EIF4E2: variants seen among roughly 807,000 people sequenced by gnomAD.
EIF4E2 encodes eukaryotic translation initiation factor 4E type 2.
Under a neutral mutation model 34.2 loss-of-function variants are expected in EIF4E2, and 13 were observed. The ratio of observed to expected loss-of-function variants is 0.38; its 90% confidence interval spans 0.25 to 0.60. The LOEUF is 0.60. Ranked by LOEUF, EIF4E2 falls within the 20% of genes least tolerant of loss-of-function variation. EIF4E2 has a pLI of 0.62. For synonymous variants in EIF4E2, 100 were observed against 106.6 expected (o/e 0.94, Z 0.38); for missense variants, 222 against 315.1 (o/e 0.70, Z 2.24).
intron 3 of EIF4E2, among the ~76,000 whole-genome samples, chr2:232,560,126 G>A (rs545557699): frequency 6.6e-6 from 1 of 152,250 alleles, no homozygotes; most frequent in South Asian, 2.1e-4. Context: ...CGCCTAGAGG[G>A]GACATAGAAG....
At chr2:232,567,596 T>TTAGCACCCCA in intron 6 of EIF4E2, 1 of 1,165,112 alleles carries the variant, frequency 8.6e-7, no homozygotes, top group Non-Finnish European at 1.1e-6. Context: ...CTTCTGCATG[T>TTAGCACCCCA]CTTTTTAACT....
chr2:232,581,378 T>C lies in EIF4E2; in HGVS notation c.*435T>C, dbSNP rs183184157. 3 of 338,128 alleles carry C rather than the reference T, an allele frequency of 8.9e-6. No individual in the cohort carries two copies. Among genetic ancestry groups the C allele is most frequent in the Non-Finnish European group, 1.2e-5 (2 of 173,396 alleles). 20.9% of individuals were successfully genotyped at this position (338,128 alleles called of 1,614,324 possible). ...AGTGTTCTGTTGGAGAGTCCCAAAA[T>C]AGCTGTAAATGCTCTCTTCTAGCTC... On this transcript the variant is annotated 3_prime_UTR_variant, in exon 7 of 7. Transcript: ENST00000409098. This position sits in a 1 kb window ranked among gnomAD's most constrained non-coding sequence, Gnocchi z 5.2.
In EIF4E2 at chr2:232,581,229, A is replaced by T; in HGVS notation, c.*286A>T. 1.9e-6 allele frequency: 1 copy of T among 526,742 alleles called. No individual in the cohort carries two copies. The highest frequency in any genetic ancestry group is 3.6e-6 in the Non-Finnish European group (1 of 281,192). The allele number at this position is 526,742 out of a possible 1,614,324, so 32.6% of individuals were successfully genotyped here. On this transcript the variant is annotated 3_prime_UTR_variant, in exon 7 of 7. Coordinates refer to the EIF4E2 transcript ENST00000409098. This position sits in a 1 kb window ranked among gnomAD's most constrained non-coding sequence, Gnocchi z 5.2. The stretch of plus-strand genomic sequence containing the variant: ...CCTTTCTGTTTGCTGTGTGCTGTCC[A>T]GATGCCTCTTGGGCGTCCTGTTGTT...
At chr2:232,562,820 C>T (rs775582308) in intron 3 of EIF4E2, among the ~76,000 whole-genome samples, 12 of 152,090 alleles carry the variant, frequency 7.9e-5, no homozygotes, top group Admixed American at 1.3e-4. Flanking sequence ...ACATTATTGC[C>T]GATTGTATTC....
intron 2 of EIF4E2, 84 bp downstream of exon 2, chr2:232,556,614 A>G (rs1393976994): frequency 1.0e-6 from 1 of 989,768 alleles, no homozygotes; most frequent in Non-Finnish European, 1.6e-6. Context: ...GGAAGATACC[A>G]GATTAACTTG....
intron 6 of EIF4E2, chr2:232,567,456 C>G (rs1332164802): frequency 7.6e-7 from 1 of 1,308,014 alleles, no homozygotes; most frequent in East Asian, 3.0e-5. Flanking sequence ...GTTGTACTAC[C>G]TGGGCTTGCT....
intron 6 of EIF4E2, among the ~76,000 whole-genome samples, chr2:232,580,390 A>G (rs1693324506): frequency 6.6e-6 from 1 of 152,152 alleles, no homozygotes; most frequent in African/African-American, 2.4e-5. Flanking sequence ...CCATCTGCCC[A>G]GTTTCTAGTG....
At chr2:232,573,105 T>A (rs1433274286), downstream of EIF4E2, among the ~76,000 whole-genome samples, 1 of 152,216 alleles carries the variant, frequency 6.6e-6, no homozygotes, top group Non-Finnish European at 1.5e-5. Flanking sequence ...AACAGGTGTC[T>A]TGCTGTGGAC....
At chr2:232,574,193 T>C (rs746321164), downstream of EIF4E2, 2 of 1,455,266 alleles carry the variant, frequency 1.4e-6, no homozygotes, top group Non-Finnish European at 1.9e-6. Context: ...GGGGTTATTG[T>C]GTCTGCTCTC....
At chr2:232,561,840 C>T (rs761009556) in intron 3 of EIF4E2, among the ~76,000 whole-genome samples, 5 of 151,440 alleles carry the variant, frequency 3.3e-5, no homozygotes, top group Admixed American at 2.0e-4. Flanking sequence ...GAGGTCCTTT[C>T]GGCACCTCAT....
Position 232,569,080 on chromosome 2 carries a change from T to G in EIF4E2, c.*63T>G. The G allele has an allele frequency of 1.9e-6, 3 of 1,592,882 alleles. No individual in the cohort carries two copies. The highest frequency in any genetic ancestry group is 2.6e-6 in the Non-Finnish European group (3 of 1,168,600). ...GCGTCATCGGAGTCTCTTGTTCTGT[T>G]GGCGTGCTACCTGGAAGATCCTTCT... On this transcript the variant is annotated 3_prime_UTR_variant, in exon 7 of 7. Transcript: ENST00000258416.
chr2:232,550,707 G>A lies in EIF4E2; in HGVS notation c.-18G>A. 1 of 1,584,132 alleles carries A rather than the reference G, an allele frequency of 6.3e-7. No homozygotes were observed. Among genetic ancestry groups the A allele is most frequent in the Non-Finnish European group, 8.6e-7 (1 of 1,167,000 alleles). On this transcript the variant is annotated 5_prime_UTR_variant, in exon 1 of 7. Coordinates refer to ENST00000258416, the MANE Select transcript of EIF4E2 (RefSeq NM_004846.4). ...GGAAGTCACTCCCTGAGGCAGTGGC[G>A]ACAGCGGCGGCGAGAGGATGAACAA... is the stretch of plus-strand genomic sequence containing the variant.
Position 232,556,500 on chromosome 2 carries a change from A to G in EIF4E2, c.105A>G (p.Arg35=), listed in dbSNP as rs778707309. 1 of 1,613,366 alleles carries G rather than the reference A, an allele frequency of 6.2e-7. No individual in the cohort carries two copies. The highest frequency in any genetic ancestry group is 2.2e-5 in the East Asian group (1 of 44,882). The change falls in exon 2 of 7, where the codon CGA becomes CGG. Residue 35 remains arginine (R), a synonymous_variant. Coordinates refer to ENST00000258416, the MANE Select transcript of EIF4E2 (RefSeq NM_004846.4). ...ATGGTGAGAAGGAAAAAACGGAACG[A>G]GACAAGAATCAGAGCAGTAGCAAGA... ...QKDGEKEKTE[R]DKNQSSSKRK...
exon 7 of EIF4E2, chr2:232,580,942 G>C: frequency 6.5e-7 from 1 of 1,550,318 alleles, no homozygotes; most frequent in South Asian, 1.2e-5. Context: ...ATCACATTGT[G>C]AGAGTACACA....
chr2:232,578,137 T>TGTTA, intron 6 of EIF4E2, among the ~76,000 whole-genome samples: 1 of 152,340 alleles, frequency 6.6e-6, no homozygotes, highest in Middle Eastern at 3.4e-3. Flanking sequence ...CACCAGCCTG[T>TGTTA]GTTAGTCTGT....
At chr2:232,561,300 C>A (rs1183838690) in intron 3 of EIF4E2, among the ~76,000 whole-genome samples, 1 of 149,664 alleles carries the variant, frequency 6.7e-6, no homozygotes, top group Non-Finnish European at 1.5e-5. Flanking sequence ...ATTATGCATA[C>A]TTCTTGCATT....
chr2:232,565,772 C>G (rs2106247200), intron 4 of EIF4E2, among the ~76,000 whole-genome samples: 1 of 152,242 alleles, frequency 6.6e-6, no homozygotes, highest in East Asian at 1.9e-4. Flanking sequence ...CCTTGGCTGT[C>G]TCTTCTACTG....
At chr2:232,576,269 C>G (rs966234434) in intron 6 of EIF4E2, among the ~76,000 whole-genome samples, 1 of 151,802 alleles carries the variant, frequency 6.6e-6, no homozygotes, top group Non-Finnish European at 1.5e-5. Flanking sequence ...GTTTAATGGG[C>G]AGTGTTTACT....
downstream of EIF4E2, among the ~76,000 whole-genome samples, chr2:232,571,144 C>A (rs1048842938): frequency 2.0e-5 from 3 of 152,190 alleles, no homozygotes; most frequent in African/African-American, 7.2e-5. Context: ...TCCAGCCTTT[C>A]CCCAGTCACA....
Sources: allele counts gnomAD v4.1 joint callset (sites outside exome capture counted in the v4.1 genomes callset), GRCh38; gene constraint gnomAD v4.1.1; non-coding constraint Gnocchi (gnomAD v3.1); transcripts MANE v1.5; gene names NCBI Gene and HGNC (gene_info 2026-07-23, HGNC 2026-07-21).